Variants in COL5A2 observed in about 807,000 individuals in gnomAD.
The protein encoded by COL5A2 is collagen alpha-2(V) chain.
A neutral mutation model predicts 208.2 loss-of-function variants in COL5A2; 23 were observed. That is an observed-to-expected ratio of 0.11 (90% CI 0.08 to 0.16). COL5A2 has a LOEUF of 0.16. COL5A2 is among the 10% of genes least tolerant of loss of function. The pLI is 1.00. For missense variants in COL5A2, 1,590 were observed against 1,956.4 expected (o/e 0.81, Z 3.53); for synonymous variants, 625 against 628.5 (o/e 0.99, Z 0.08).
At chr2:189,249,719 G>A in the COL5A2 span, among the ~76,000 whole-genome samples, 13 of 152,114 alleles carry the variant, frequency 8.5e-5, no homozygotes, top group Non-Finnish European at 1.5e-4. Flanking sequence ...GTTTTGAGAC[G>A]GAGTTTCACT....
chr2:189,321,040 C>A, the COL5A2 span, among the ~76,000 whole-genome samples: 2 of 152,160 alleles, frequency 1.3e-5, no homozygotes, highest in African/African-American at 4.8e-5. Flanking sequence ...GAATTTTCAA[C>A]CCAGAATTTC....
chr2:189,085,034 A>C, intron 11 of COL5A2, 126 bp downstream of exon 11: 1 of 773,400 alleles, frequency 1.3e-6, no homozygotes, highest in Non-Finnish European at 2.2e-6. Context: ...TCCTGTTTAC[A>C]TTGAATTTAA....
At chr2:189,405,461 C>T in the COL5A2 span, among the ~76,000 whole-genome samples, 1 of 152,098 alleles carries the variant, frequency 6.6e-6, no homozygotes, top group Non-Finnish European at 1.5e-5. Context: ...AAACTCCTGA[C>T]CTCAAGTGAT....
At chr2:189,387,428 C>A in the COL5A2 span, among the ~76,000 whole-genome samples, 64 of 152,096 alleles carry the variant, frequency 4.2e-4, no homozygotes, top group Admixed American at 9.2e-4. Context: ...TAATATACCT[C>A]TGTAACAATC....
chr2:189,306,167 T>C, the COL5A2 span, among the ~76,000 whole-genome samples: 2 of 152,158 alleles, frequency 1.3e-5, no homozygotes, highest in East Asian at 3.9e-4. Context: ...CATTTGTATG[T>C]TTCCAATAGA....
intron 7 of COL5A2, among the ~76,000 whole-genome samples, chr2:189,089,079 A>T (rs1453121700): frequency 6.6e-6 from 1 of 152,228 alleles, no homozygotes; most frequent in South Asian, 2.1e-4. Context: ...AGTCTAATTG[A>T]TTGCAGGTTT....
the COL5A2 span, among the ~76,000 whole-genome samples, chr2:189,388,081 A>C: frequency 6.6e-6 from 1 of 152,194 alleles, no homozygotes; most frequent in South Asian, 2.1e-4. Context: ...CACTAAGCCC[A>C]GCCTGTTAGA....
the COL5A2 span, among the ~76,000 whole-genome samples, chr2:189,247,760 A>G: frequency 5.9e-5 from 9 of 151,986 alleles, no homozygotes; most frequent in African/African-American, 2.2e-4. Flanking sequence ...TTGTATTTTT[A>G]GTAGAGACAG....
intron 1 of COL5A2, among the ~76,000 whole-genome samples, chr2:189,195,316 G>A (rs1285602570): frequency 6.6e-6 from 1 of 152,080 alleles, no homozygotes. Flanking sequence ...AATAAGAGAG[G>A]ACACAAACAA....
At chr2:189,352,862 C>G in the COL5A2 span, among the ~76,000 whole-genome samples, 2 of 152,136 alleles carry the variant, frequency 1.3e-5, no homozygotes, top group African/African-American at 4.8e-5. Flanking sequence ...AAGTCTTTGC[C>G]CACGGCTATG....
the COL5A2 span, among the ~76,000 whole-genome samples, chr2:189,335,688 T>C: frequency 6.6e-6 from 1 of 152,142 alleles, no homozygotes; most frequent in Non-Finnish European, 1.5e-5. Context: ...TCCATTTATA[T>C]GAGCTGTCCA....
chr2:189,423,127 A>G, the COL5A2 span, among the ~76,000 whole-genome samples: 1 of 152,060 alleles, frequency 6.6e-6, no homozygotes, highest in Admixed American at 6.5e-5. Flanking sequence ...ATTAAAAGGA[A>G]CTTTAAAACA....
At position 189,068,063 on chromosome 2, in the gene COL5A2, A is replaced by C; in HGVS notation, c.1353T>G (p.Ser451=). 3.1e-6 allele frequency: 5 copies of C among 1,614,062 alleles called. No individual in the cohort carries two copies. Among genetic ancestry groups the C allele is most frequent in the Non-Finnish European group, 4.2e-6 (5 of 1,179,990 alleles). ...GACCAGTGCTACCCTGAGGTCCTGG[A>C]GATCCAGGAGGCCCTGCTGAGCCAG... The part of the protein sequence containing the change: ...GPPGSAGPPG[S]PGPQGSTGPQ... The change falls in exon 21 of 54, where the codon TCT becomes TCG. Residue 451 remains serine, a synonymous_variant. Coordinates refer to ENST00000374866, the MANE Select transcript of COL5A2 (RefSeq NM_000393.5).
At chr2:189,048,329 CA>C in intron 44 of COL5A2, 67 bp from the exon 45 acceptor site, 1 of 1,397,802 alleles carries the variant, frequency 7.2e-7, no homozygotes, top group Non-Finnish European at 1.0e-6. Flanking sequence ...TTCCAATTGT[CA>C]AAAAATGACA....
At position 189,216,927 on chromosome 2, in the gene COL5A2, G is replaced by A. The variant is rs140487237; in HGVS notation, c.-42+8221C>T. 7.8e-4 allele frequency among the ~76,000 whole-genome samples: 119 copies of A among 152,252 alleles called. No individual in the cohort carries two copies. In the East Asian group the frequency reaches 0.021, roughly 27 times the overall value. ...AGATCCATGGATACTTCACTGAGCA[G>A]TGAGGGACAACATGAAGAAATTGCA... On this transcript the variant is annotated intron_variant, in intron 1 of 10. Coordinates refer to the COL5A2 transcript ENST00000649966.
intron 16 of COL5A2, among the ~76,000 whole-genome samples, chr2:189,076,659 C>T (rs1435296083): frequency 6.6e-6 from 1 of 152,092 alleles, no homozygotes; most frequent in East Asian, 1.9e-4. Flanking sequence ...GGGCTTAATG[C>T]AAGACTATGA....
At chr2:189,167,282 A>G (rs1431379546) in intron 1 of COL5A2, among the ~76,000 whole-genome samples, 1 of 152,172 alleles carries the variant, frequency 6.6e-6, no homozygotes, top group Non-Finnish European at 1.5e-5. Flanking sequence ...AAAACTTACC[A>G]ATTCTATTTT....
At chr2:189,280,700 A>G in the COL5A2 span, among the ~76,000 whole-genome samples, 1 of 152,232 alleles carries the variant, frequency 6.6e-6, no homozygotes, top group African/African-American at 2.4e-5. Context: ...AATACTGTGA[A>G]ATATTTCTTA....
At chr2:189,315,391 T>C in the COL5A2 span, among the ~76,000 whole-genome samples, 2 of 152,192 alleles carry the variant, frequency 1.3e-5, no homozygotes, top group Non-Finnish European at 2.9e-5. Context: ...CATCTGTTCA[T>C]GTTAAAAATT....
Sources: allele counts gnomAD v4.1 joint callset (sites outside exome capture counted in the v4.1 genomes callset), GRCh38; gene constraint gnomAD v4.1.1; transcripts MANE v1.5; gene names NCBI Gene and HGNC (gene_info 2026-07-23, HGNC 2026-07-21).